KCNMA1: variants seen among roughly 807,000 people sequenced by gnomAD.
The protein encoded by KCNMA1 is potassium calcium-activated channel subfamily M alpha 1, also known as Calcium-activated potassium channel subunit alpha-1.
KCNMA1 carries 29 observed loss-of-function variants against 140.0 expected under a neutral mutation model. The ratio of observed to expected loss-of-function variants is 0.21; its 90% CI spans 0.15 to 0.28. The LOEUF is 0.28. Ranked by LOEUF, KCNMA1 falls within the 10% of genes least tolerant of loss-of-function variation. The pLI is 1.00. For missense variants in KCNMA1, 880 were observed against 1,602.2 expected (o/e 0.55, Z 7.70); for synonymous variants, 612 against 611.9 (o/e 1.00, Z 0.00).
At chr10:77,244,446 G>T (rs1228236393) in intron 3 of KCNMA1, among the ~76,000 whole-genome samples, 1 of 152,172 alleles carries the variant, frequency 6.6e-6, no homozygotes, top group Admixed American at 6.5e-5. Context: ...CATTGCCTAC[G>T]ATGCCTAGGT....
At chr10:77,040,518 A>T (rs1174438858) in intron 14 of KCNMA1, among the ~76,000 whole-genome samples, 1 of 152,222 alleles carries the variant, frequency 6.6e-6, no homozygotes, top group African/African-American at 2.4e-5. Flanking sequence ...GCACATTATA[A>T]AATAGTGTAC....
At chr10:76,895,840 G>A (rs575727888) in intron 25 of KCNMA1, among the ~76,000 whole-genome samples, 171 of 152,264 alleles carry the variant, frequency 1.1e-3, no homozygotes, top group African/African-American at 3.8e-3. Context: ...CCCCTGAGCC[G>A]CAAAACCAGC....
At chr10:77,445,191 A>C (rs4980146) in intron 1 of KCNMA1, among the ~76,000 whole-genome samples, 1 of 152,094 alleles carries the variant, frequency 6.6e-6, no homozygotes, top group Non-Finnish European at 1.5e-5. Flanking sequence ...TAGGATCCCC[A>C]CTTTCTATAA....
At chr10:77,602,427 A>G (rs1310822100) in intron 1 of KCNMA1, among the ~76,000 whole-genome samples, 2 of 152,034 alleles carry the variant, frequency 1.3e-5, no homozygotes, top group Admixed American at 6.6e-5. Context: ...GTGACTGCTC[A>G]TGGGTATGGG....
chr10:77,212,366 G>A (rs183464182), intron 3 of KCNMA1, among the ~76,000 whole-genome samples: 7 of 152,252 alleles, frequency 4.6e-5, no homozygotes, highest in South Asian at 2.1e-4. Flanking sequence ...CAAACACTGC[G>A]TGTTCTCACT....
At chr10:77,585,352 T>C (rs560515909) in intron 1 of KCNMA1, among the ~76,000 whole-genome samples, 2 of 152,344 alleles carry the variant, frequency 1.3e-5, no homozygotes, top group African/African-American at 4.8e-5. Context: ...AGCATGGTAC[T>C]GATTTCACCA....
chr10:77,383,361 G>A (rs1007274609), intron 2 of KCNMA1, among the ~76,000 whole-genome samples: 1 of 151,646 alleles, frequency 6.6e-6, no homozygotes, highest in South Asian at 2.1e-4. Flanking sequence ...CTAGAAATGT[G>A]GGCCAGACTG....
intron 14 of KCNMA1, among the ~76,000 whole-genome samples, chr10:77,070,160 G>A (rs567108336): frequency 6.6e-6 from 1 of 152,014 alleles, no homozygotes; most frequent in East Asian, 1.9e-4. Flanking sequence ...CCCACTTTCA[G>A]TCTTGGCATT....
chr10:77,074,035 G>C (rs1015232780), intron 13 of KCNMA1, among the ~76,000 whole-genome samples: 1 of 152,056 alleles, frequency 6.6e-6, no homozygotes, highest in African/African-American at 2.4e-5. Context: ...AAGTTCAAAA[G>C]GTTCTCCAGA....
intron 3 of KCNMA1, among the ~76,000 whole-genome samples, chr10:77,223,912 C>T (rs928200290): frequency 6.6e-6 from 1 of 152,118 alleles, no homozygotes; most frequent in African/African-American, 2.4e-5. Context: ...ATCCAACTGC[C>T]ACGAGAGAAG....
In KCNMA1 at chr10:76,972,357, T is replaced by C. The variant is rs114429274; in HGVS notation, c.2267-2290A>G. Among the ~76,000 whole-genome samples, 1,256 of 152,318 alleles carry C rather than the reference T, an allele frequency of 8.2e-3. 21 individuals are homozygous for C. The highest frequency in any genetic ancestry group is 0.029 in the African/African-American group (1,201 of 41,574). ...ACCATGGTTGTGTCCAGTTACACAA[T>C]GAATCTAGATGAGTTAAGACCTGAA... On this transcript the variant is annotated intron_variant, in intron 19 of 27. Transcript: ENST00000286628.
At chr10:76,904,151 A>G (rs918357775) in intron 25 of KCNMA1, 5 of 152,234 alleles carry the variant, frequency 3.3e-5, no homozygotes, top group Non-Finnish European at 5.9e-5. Flanking sequence ...GCAGAAAGTC[A>G]TAAGGAGTAA....
At chr10:77,621,696 G>A (rs993702673) in intron 1 of KCNMA1, among the ~76,000 whole-genome samples, 6 of 152,142 alleles carry the variant, frequency 3.9e-5, no homozygotes, top group African/African-American at 1.2e-4. Context: ...TGGGGGCCGA[G>A]GCAGGTGGAC....
At chr10:77,617,466 CCT>C (rs1460807801) in intron 1 of KCNMA1, among the ~76,000 whole-genome samples, 1 of 152,162 alleles carries the variant, frequency 6.6e-6, no homozygotes, top group Non-Finnish European at 1.5e-5. Context: ...CAGTTATGCC[CCT>C]TAGTCCCTTT....
intron 1 of KCNMA1, among the ~76,000 whole-genome samples, chr10:77,428,942 G>T (rs994755038): frequency 6.6e-6 from 1 of 152,156 alleles, no homozygotes; most frequent in Admixed American, 6.5e-5. Context: ...CCCCAGCTTG[G>T]CCACTAGGGG....
chr10:76,898,565 G>A (rs902109520), intron 25 of KCNMA1, among the ~76,000 whole-genome samples: 3 of 150,140 alleles, frequency 2.0e-5, no homozygotes, highest in East Asian at 3.9e-4. Flanking sequence ...ATATAACAAA[G>A]TATAAGCTGT....
At chr10:77,265,925 A>G (rs1250446547) in intron 2 of KCNMA1, among the ~76,000 whole-genome samples, 1 of 152,148 alleles carries the variant, frequency 6.6e-6, no homozygotes, top group Non-Finnish European at 1.5e-5. Context: ...TATAAAAAAT[A>G]CAAAAATTAG....
chr10:77,069,337 A>G (rs989976528), intron 14 of KCNMA1, among the ~76,000 whole-genome samples: 1 of 152,126 alleles, frequency 6.6e-6, no homozygotes, highest in Non-Finnish European at 1.5e-5. Flanking sequence ...TTCAAATAAG[A>G]TCCTATTGCA....
intron 2 of KCNMA1, among the ~76,000 whole-genome samples, chr10:77,391,336 C>T (rs930419629): frequency 1.3e-5 from 2 of 152,170 alleles, no homozygotes; most frequent in African/African-American, 4.8e-5. Context: ...CACAGAGGAC[C>T]CTGGCTTCCC....
Sources: allele counts gnomAD v4.1 joint callset (sites outside exome capture counted in the v4.1 genomes callset), GRCh38; gene constraint gnomAD v4.1.1; transcripts MANE v1.5; gene names NCBI Gene and HGNC (gene_info 2026-07-23, HGNC 2026-07-21).